SP3: variants seen among roughly 807,000 people sequenced by gnomAD.
The protein encoded by SP3 is Sp3 transcription factor.
SP3 carries 10 observed loss-of-function variants against 70.3 expected under a neutral mutation model. That is an observed-to-expected ratio of 0.14 (90% CI 0.09 to 0.24). SP3 has a LOEUF of 0.24. Among genes scored for constraint, SP3 ranks in the 10% least tolerant of loss-of-function variants. The pLI, the probability that SP3 is intolerant of heterozygous loss-of-function variation, is 1.00. For synonymous variants in SP3, 402 were observed against 333.5 expected (o/e 1.21, Z -2.24); for missense variants, 825 against 914.6 (o/e 0.90, Z 1.26).
chr2:173,959,233 A>T (rs1690983990), intron 3 of SP3, among the ~76,000 whole-genome samples: 1 of 152,206 alleles, frequency 6.6e-6, no homozygotes, highest in Non-Finnish European at 1.5e-5. Flanking sequence ...AAAGCCTTGC[A>T]AAGCACAATC....
chr2:173,924,998 C>T (rs1689871044), intron 4 of SP3, among the ~76,000 whole-genome samples: 1 of 152,182 alleles, frequency 6.6e-6, no homozygotes, highest in African/African-American at 2.4e-5. Flanking sequence ...AACTATTCTC[C>T]TGCCTCAGCC....
Position 173,918,785 on chromosome 2 carries a change from T to A in SP3, c.1640A>T (p.Asp547Val). The A allele has an allele frequency of 6.3e-7, 1 of 1,596,766 alleles. No individual in the cohort carries two copies. Among genetic ancestry groups the A allele is most frequent in the Admixed American group, 1.8e-5 (1 of 56,954 alleles). ...HPGENADSPA[D>V]IRIKEEEPDP... ...AGGTTCTTCTTCCTTGATCCTAATATCTAAAGGGAAAAAAAAACCAAATAC... is the reference window on the plus strand; with the variant it reads ...AGGTTCTTCTTCCTTGATCCTAATAACTAAAGGGAAAAAAAAACCAAATAC... Residue 547 changes from aspartate (D) to valine (V), a missense_variant and splice_region_variant, in exon 5 of 7, where the codon GAT becomes GTT. By Grantham distance (152) the Asp-to-Val change is radical (BLOSUM62 -3). This residue lies in a region of SP3 where 678 missense variants were observed against 651.6 expected (regional missense o/e 1.04). Coordinates refer to ENST00000310015, the MANE Select transcript of SP3 (RefSeq NM_003111.5).
intron 4 of SP3, among the ~76,000 whole-genome samples, chr2:173,942,972 G>C (rs1030407985): frequency 6.6e-6 from 1 of 152,140 alleles, no homozygotes; most frequent in Non-Finnish European, 1.5e-5. Context: ...TTTAAAGCTT[G>C]TGGGAGGATG....
chr2:173,957,861 AATTAT>A (rs1292572839), intron 3 of SP3, among the ~76,000 whole-genome samples: 3 of 152,128 alleles, frequency 2.0e-5, no homozygotes, highest in Non-Finnish European at 4.4e-5. Flanking sequence ...AATACACTTA[AATTAT>A]ATTTACTAAA....
chr2:173,923,282 G>GT (rs766058204), intron 4 of SP3, among the ~76,000 whole-genome samples: 1 of 151,628 alleles, frequency 6.6e-6, no homozygotes, highest in Non-Finnish European at 1.5e-5. Context: ...TGCGAAAGGG[G>GT]TATGTACAAA....
At position 173,909,682 on chromosome 2, in the gene SP3, A is replaced by G. The variant is rs1689423074; in HGVS notation, c.*259T>C. The G allele has an allele frequency of 6.5e-6, 2 of 308,610 alleles. No homozygotes were observed. Among genetic ancestry groups the G allele is most frequent in the Non-Finnish European group, 6.1e-6 (1 of 165,100 alleles). 19.1% of individuals were successfully genotyped at this position (308,610 alleles called of 1,614,324 possible). ...GACTACCATTCGCATTGTTAAATTC[A>G]ATTTTCTCTTTATATAACTTGGTAA... On this transcript the variant is annotated 3_prime_UTR_variant, in exon 7 of 7. Transcript: ENST00000310015.
rs559814761 is a variant in SP3, at chr2:173,925,778, G to C, written c.1640-6993C>G. ...TCTGCCTTGTCCCCATAAGCTTTAG[G>C]GACTAGTTTTCCCCTCCCCTTCAGA... On this transcript the variant is annotated intron_variant, in intron 4 of 6. Coordinates refer to ENST00000310015, the MANE Select transcript of SP3 (RefSeq NM_003111.5). Among the ~76,000 whole-genome samples the C allele has an allele frequency of 2.4e-4, 37 of 151,188 alleles. No individual in the cohort carries two copies. The South Asian group carries it at 7.7e-3, about 32-fold the overall frequency.
rs1328809452 is a variant in SP3 at position 173,956,092 on chromosome 2, A to G, written c.420T>C (p.Val140=). The stretch of plus-strand genomic sequence containing the variant: ...GATTCTGCAAATTCTGAAGGGGAAG[A>G]ACATACTGCCCACTTGAAGTAGCAG... ...PSAATSSGQY[V]LPLQNLQNQQ... The change falls in exon 4 of 7, where the codon GTT becomes GTC. Residue 140 remains valine (V), a synonymous_variant. Transcript: ENST00000310015. The G allele has an allele frequency of 3.7e-6, 6 of 1,614,198 alleles. No individual in the cohort carries two copies. Among genetic ancestry groups the G allele is most frequent in the Non-Finnish European group, 5.1e-6 (6 of 1,180,030 alleles).
chr2:173,936,928 C>T (rs1381186008), intron 4 of SP3, among the ~76,000 whole-genome samples: 1 of 151,762 alleles, frequency 6.6e-6, no homozygotes, highest in East Asian at 1.9e-4. Context: ...ATTTTCTGTT[C>T]CTCTGAACTT....
intron 4 of SP3, among the ~76,000 whole-genome samples, chr2:173,947,246 T>C (rs893579421): frequency 2.6e-5 from 4 of 152,214 alleles, no homozygotes; most frequent in Admixed American, 1.3e-4. Flanking sequence ...CCATTCACTT[T>C]ATTCTTTTCT....
Position 173,964,466 on chromosome 2 carries a change from TCGCCGTGGC to T in SP3, c.86_94del (p.Gly29_Gly31del), listed in dbSNP as rs987227888. Reference sequence around the variant, plus strand: ...GTGCTGTTGCTGCTGCTGCAGATACTCGCCGTGGCCGCCGCCGCCGCCACCGCCGCCGCC... The same window carrying T: ...GTGCTGTTGCTGCTGCTGCAGATACTCGCCGCCGCCGCCACCGCCGCCGCC... On this transcript the variant is annotated inframe_deletion, in exon 2 of 7. Transcript: ENST00000310015. The T allele has an allele frequency of 7.1e-6, 5 of 708,392 alleles. No individual in the cohort carries two copies. Among genetic ancestry groups the T allele is most frequent in the African/African-American group, 1.9e-5 (1 of 53,694 alleles). 43.9% of individuals were successfully genotyped at this position (708,392 alleles called of 1,614,324 possible). A position where few individuals can be genotyped will look rare whatever the true frequency, so the allele number is the denominator to read the frequency against.
At chr2:173,943,491 T>G (rs1287663110) in intron 4 of SP3, among the ~76,000 whole-genome samples, 1 of 152,174 alleles carries the variant, frequency 6.6e-6, no homozygotes, top group Non-Finnish European at 1.5e-5. Context: ...TGCTTTACTT[T>G]CCTTTTTAAT....
rs551595921 is a variant in SP3 at position 173,907,212 on chromosome 2, T to C, written c.*2729A>G. 1.3e-5 allele frequency: 2 copies of C among 152,282 alleles called. No homozygotes were observed. The highest frequency in any genetic ancestry group is 2.9e-5 in the Non-Finnish European group (2 of 67,992). 9.4% of individuals were successfully genotyped at this position (152,282 alleles called of 1,614,324 possible). A position where few individuals can be genotyped will look rare whatever the true frequency, so the allele number is the denominator to read the frequency against. On this transcript the variant is annotated 3_prime_UTR_variant, in exon 7 of 7. Transcript: ENST00000310015. ...CACTAAATGTTACAACAGGAATTAT[T>C]TGTACATAAATATATTCAATATGCA...
At chr2:173,923,687 C>T (rs1689824578) in intron 4 of SP3, among the ~76,000 whole-genome samples, 2 of 151,884 alleles carry the variant, frequency 1.3e-5, no homozygotes, top group African/African-American at 4.8e-5. Context: ...TTTTGTTGTT[C>T]TTATCAAAGT....
chr2:173,942,257 T>C (rs1441567822), intron 4 of SP3, among the ~76,000 whole-genome samples: 2 of 152,158 alleles, frequency 1.3e-5, no homozygotes, highest in African/African-American at 2.4e-5. Flanking sequence ...GATCCTACAA[T>C]GCAGTCAAAA....
In SP3 at chr2:173,901,640, AT is replaced by A. The variant is rs2105444991; in HGVS notation, c.*8300del. Among the ~76,000 whole-genome samples the A allele has an allele frequency of 6.6e-6, 1 of 150,580 alleles. No individual in the cohort carries two copies. The highest frequency in any genetic ancestry group is 2.1e-4 in the South Asian group (1 of 4,780). On this transcript the variant is annotated 3_prime_UTR_variant, in exon 7 of 7. Transcript: ENST00000310015. ...CAACCCATCATGTGCAGTAGCCTAT[AT>A]CCCCAGCCGTTGGATAAAATGAACA... is the stretch of plus-strand genomic sequence containing the variant.
intron 4 of SP3, among the ~76,000 whole-genome samples, chr2:173,922,962 T>C (rs753040154): frequency 1.3e-5 from 2 of 152,244 alleles, no homozygotes; most frequent in Non-Finnish European, 2.9e-5. Context: ...TAAGGGTACC[T>C]GAAGTATTTG....
rs745355660 is a variant in SP3, at chr2:173,912,004, G to C, written c.2029+1066C>G. Reference sequence around the variant, plus strand: ...GGCTATTCTTTGTCTTTCTAGGAGAGACACGGTTTCACCATGTTGCCCAGG... The same window carrying C: ...GGCTATTCTTTGTCTTTCTAGGAGACACACGGTTTCACCATGTTGCCCAGG... On this transcript the variant is annotated intron_variant, in intron 6 of 6. Transcript: ENST00000310015. Among the ~76,000 whole-genome samples the C allele has an allele frequency of 1.2e-4, 19 of 152,012 alleles. 1 individual carries two copies. The highest frequency in any genetic ancestry group is 2.4e-4 in the Non-Finnish European group (16 of 67,984).
chr2:173,957,013 T>G (rs1161113139), intron 3 of SP3, among the ~76,000 whole-genome samples: 2 of 152,136 alleles, frequency 1.3e-5, no homozygotes, highest in Non-Finnish European at 2.9e-5. Flanking sequence ...TCAATGGGAA[T>G]CTCAATGGGA....
Sources: gnomAD v4.1 joint callset for allele counts (sites outside exome capture counted in the v4.1 genomes callset) on GRCh38, gnomAD v4.1.1 for gene constraint, gnomAD v4.1.1 regional missense constraint, MANE v1.5 for transcripts, NCBI Gene and HGNC (gene_info 2026-07-23, HGNC 2026-07-21) for gene names.